The following DENND1A variants were observed in gnomAD, a reference collection of about 807,000 sequenced individuals.
DENND1A encodes DENN domain containing 1A, also known as DENN domain-containing protein 1A.
In DENND1A, 51 loss-of-function variants were observed where a neutral mutation model predicts 113.7. The observed-to-expected ratio is 0.45, with a 90% confidence interval of 0.36 to 0.57. The LOEUF (loss-of-function observed/expected upper bound fraction) is 0.57, where lower values mean the gene tolerates loss of function less well. Among genes scored for constraint, DENND1A ranks in the 20% least tolerant of loss-of-function variants. The probability of loss-of-function intolerance (pLI) is 0.00; values close to 1 mark genes in which losing one functional copy is unlikely to be tolerated. For synonymous variants in DENND1A, 565 were observed against 570.8 expected, an observed-to-expected ratio of 0.99 and a Z score of 0.14; for missense variants, 1,258 against 1,395.9, an observed-to-expected ratio of 0.90 and a Z score of 1.57.
At chr9:123,705,535 A>T (rs2066140321) in intron 5 of DENND1A, among the ~76,000 whole-genome samples, 2 of 152,158 alleles carry the variant, frequency 1.3e-5, no homozygotes, top group South Asian at 4.1e-4. Context: ...ACGAGAACAG[A>T]AAAATGTAAT....
chr9:123,629,278 C>A (rs1220692231), intron 10 of DENND1A, among the ~76,000 whole-genome samples: 1 of 152,244 alleles, frequency 6.6e-6, no homozygotes, highest in Non-Finnish European at 1.5e-5. Flanking sequence ...CTCTCAATAT[C>A]CGGCACGCAG....
intron 13 of DENND1A, among the ~76,000 whole-genome samples, chr9:123,554,257 C>G (rs954681593): frequency 1.3e-5 from 2 of 151,982 alleles, no homozygotes; most frequent in Non-Finnish European, 2.9e-5. Flanking sequence ...GGGTCTCACC[C>G]TGTTGCCCAG....
intron 5 of DENND1A, among the ~76,000 whole-genome samples, chr9:123,722,774 T>C (rs563052966): frequency 1.1e-3 from 173 of 152,332 alleles, no homozygotes; most frequent in Non-Finnish European, 2.1e-3. Context: ...TGTATGGAAA[T>C]ACCTGGATGC....
chr9:123,905,328 A>C lies in DENND1A; in HGVS notation c.17+24561T>G, dbSNP rs1175812395. Among the ~76,000 whole-genome samples, 35 of 151,144 alleles carry C rather than the reference A, an allele frequency of 2.3e-4. No individual in the cohort carries two copies. In the Middle Eastern group the frequency reaches 0.01, roughly 44 times the overall value. ...GAGCAAAATAACCAGCTAACATCAT[A>C]ATGACAGGATCAAATTCACATATAA... is the stretch of plus-strand genomic sequence containing the variant. On this transcript the variant is annotated intron_variant, in intron 1 of 23. Coordinates refer to ENST00000394215, the MANE Select transcript of DENND1A (RefSeq NM_001352964.2).
At chr9:123,683,130 A>C (rs1589653169) in intron 5 of DENND1A, among the ~76,000 whole-genome samples, 1 of 152,172 alleles carries the variant, frequency 6.6e-6, no homozygotes, top group East Asian at 1.9e-4. Context: ...CCATGAACTA[A>C]AACTACAACT....
intron 13 of DENND1A, among the ~76,000 whole-genome samples, chr9:123,472,564 A>C (rs1022937870): frequency 1.3e-5 from 2 of 151,936 alleles, no homozygotes; most frequent in Non-Finnish European, 2.9e-5. Flanking sequence ...CCCAGCCCTG[A>C]ACAGTGCCTC....
chr9:123,426,800 C>T (rs953355190), intron 19 of DENND1A, among the ~76,000 whole-genome samples: 7 of 152,148 alleles, frequency 4.6e-5, no homozygotes, highest in East Asian at 1.9e-4. Flanking sequence ...CAAGTGGGGA[C>T]GCCTGGACCA....
intron 21 of DENND1A, chr9:123,402,696 C>T: frequency 2.0e-6 from 1 of 502,612 alleles, no homozygotes; most frequent in Non-Finnish European, 4.1e-6. Flanking sequence ...CAAAGGGAAG[C>T]AGTGCTACCT....
chr9:123,503,648 C>T (rs2052678055), intron 13 of DENND1A, among the ~76,000 whole-genome samples: 1 of 152,192 alleles, frequency 6.6e-6, no homozygotes, highest in African/African-American at 2.4e-5. Flanking sequence ...ACTTCAAGTG[C>T]AACTAGCTGT....
intron 18 of DENND1A, among the ~76,000 whole-genome samples, chr9:123,444,609 G>A (rs2132476499): frequency 6.6e-6 from 1 of 152,266 alleles, no homozygotes; most frequent in South Asian, 2.1e-4. Flanking sequence ...AGCCGAGACT[G>A]CGCCAGGCAA....
At chr9:123,806,897 C>T (rs73666290) in intron 2 of DENND1A, among the ~76,000 whole-genome samples, 11,655 of 152,228 alleles carry the variant, frequency 0.077, 900 homozygotes, top group African/African-American at 0.2. Context: ...TCAATGTCCT[C>T]ACTCTATACC....
chr9:123,918,978 TAAAC>T (rs1855732441), intron 1 of DENND1A, among the ~76,000 whole-genome samples: 2 of 152,096 alleles, frequency 1.3e-5, no homozygotes, highest in Admixed American at 6.6e-5. Flanking sequence ...AGGAATACAT[TAAAC>T]AAACCTTAAG....
intron 5 of DENND1A, among the ~76,000 whole-genome samples, chr9:123,721,659 T>C (rs919942897): frequency 1.3e-5 from 2 of 152,322 alleles, no homozygotes; most frequent in Admixed American, 6.5e-5. Flanking sequence ...CTGATGATAA[T>C]GAATCAGTCT....
At chr9:123,458,693 G>C (rs1357022418) in intron 13 of DENND1A, among the ~76,000 whole-genome samples, 1 of 152,218 alleles carries the variant, frequency 6.6e-6, no homozygotes, top group Admixed American at 6.5e-5. Context: ...CAGGCGCGGT[G>C]GCTCATGCCT....
chr9:123,623,602 A>C (rs2061056684), intron 10 of DENND1A, among the ~76,000 whole-genome samples: 1 of 152,244 alleles, frequency 6.6e-6, no homozygotes, highest in Non-Finnish European at 1.5e-5. Flanking sequence ...CATTTGTACT[A>C]AACTGATTTT....
intron 3 of DENND1A, among the ~76,000 whole-genome samples, chr9:123,789,645 A>C (rs1208897529): frequency 2.0e-5 from 3 of 152,138 alleles, no homozygotes; most frequent in Admixed American, 1.3e-4. Context: ...CCGGGACCAC[A>C]GATTTGTAAC....
At chr9:123,568,432 ATTC>A (rs1222069101) in intron 12 of DENND1A, among the ~76,000 whole-genome samples, 2 of 152,350 alleles carry the variant, frequency 1.3e-5, no homozygotes, top group Middle Eastern at 3.4e-3. Context: ...GATGGTGACT[ATTC>A]TTCTGCGCTA....
intron 4 of DENND1A, among the ~76,000 whole-genome samples, chr9:123,762,085 G>A (rs947820521): frequency 1.3e-5 from 2 of 152,018 alleles, no homozygotes; most frequent in Admixed American, 6.5e-5. Flanking sequence ...GCCAACTTCT[G>A]GTTCAAAGTC....
intron 10 of DENND1A, among the ~76,000 whole-genome samples, chr9:123,615,720 G>T (rs1354844042): frequency 6.6e-6 from 1 of 152,214 alleles, no homozygotes; most frequent in African/African-American, 2.4e-5. Flanking sequence ...TTGGCATAAA[G>T]CATGTGCTGA....
Sources: gnomAD v4.1 joint callset for allele counts (sites outside exome capture counted in the v4.1 genomes callset) on GRCh38, gnomAD v4.1.1 for gene constraint, MANE v1.5 for transcripts, NCBI Gene and HGNC (gene_info 2026-07-23, HGNC 2026-07-21) for gene names.